The following PKHD1 variants were observed in gnomAD, a reference collection of about 807,000 sequenced individuals.
The protein encoded by PKHD1 is fibrocystin.
PKHD1 carries 291 observed loss-of-function variants against 412.0 expected under a neutral mutation model. The observed-to-expected ratio is 0.71, with a 90% CI of 0.64 to 0.78. The LOEUF (loss-of-function observed/expected upper bound fraction) is 0.78. Among genes scored for constraint, PKHD1 ranks in the 30% least tolerant of loss-of-function variants. The pLI is 0.00. For missense variants in PKHD1, 4,825 were observed against 4,950.7 expected (o/e 0.97, Z 0.76); for synonymous variants, 1,777 against 1,821.5 (o/e 0.98, Z 0.62).
intron 48 of PKHD1, among the ~76,000 whole-genome samples, chr6:51,860,960 C>T (rs1774090729): frequency 1.3e-5 from 2 of 152,050 alleles, no homozygotes; most frequent in Non-Finnish European, 2.9e-5. Flanking sequence ...TACAGGCACC[C>T]ACCACCACAC....
At chr6:52,003,268 T>C (rs901886751) in intron 35 of PKHD1, among the ~76,000 whole-genome samples, 1 of 152,202 alleles carries the variant, frequency 6.6e-6, no homozygotes, top group Non-Finnish European at 1.5e-5. Flanking sequence ...AGAGCTATTT[T>C]GTAGTCACTA....
At chr6:52,065,102 T>C (rs1444936261) in intron 12 of PKHD1, 52 bp from the exon 13 acceptor site, 2 of 671,468 alleles carry the variant, frequency 3.0e-6, no homozygotes, top group African/African-American at 1.9e-5. Flanking sequence ...GGTATACATA[T>C]ATATGTATAT....
In PKHD1 at chr6:52,024,772, C is replaced by G. The variant is rs950037252; in HGVS notation, c.5038G>C (p.Ala1680Pro). Residue 1680 changes from alanine to proline, a missense_variant, in exon 32 of 67, where the codon GCT (alanine) becomes CCT (proline). Physicochemically the swap from Ala to Pro is conservative, Grantham distance 27. Transcript: ENST00000371117. ...LTFAVAQISGAANIDIFIGMS... is the reference protein window; with the variant it reads ...LTFAVAQISGPANIDIFIGMS... ...CCTATAAAAATGTCAATGTTTGCAG[C>G]TCCTGAGATCTGGGCCACTGCAAAG... The G allele has an allele frequency of 6.2e-7, 1 of 1,614,194 alleles. No homozygotes were observed. The highest frequency in any genetic ancestry group is 8.5e-7 in the Non-Finnish European group (1 of 1,180,024).
intron 43 of PKHD1, among the ~76,000 whole-genome samples, chr6:51,887,987 G>A (rs1778480239): frequency 6.6e-6 from 1 of 152,138 alleles, no homozygotes; most frequent in African/African-American, 2.4e-5. Context: ...TCTCCTCTTT[G>A]GTGAATGCAA....
intron 60 of PKHD1, among the ~76,000 whole-genome samples, chr6:51,691,310 T>C (rs1013886372): frequency 7.2e-5 from 11 of 152,198 alleles, no homozygotes; most frequent in Non-Finnish European, 1.2e-4. Context: ...ACTGGGTATA[T>C]ACCCAAAGGA....
rs80014714 is a variant in PKHD1, at chr6:51,914,776, A to T, written c.6122-2200T>A. 1.2e-3 allele frequency among the ~76,000 whole-genome samples: 179 copies of T among 152,022 alleles called. 1 individual carries two copies. The highest frequency in any genetic ancestry group is 0.01 in the Middle Eastern group (3 of 294). ...CTGTTCCAAGAAGCCCAGTCTCTTT[A>T]CCTCTTCTCATTTAACCGGATCGTC... On this transcript the variant is annotated intron_variant, in intron 37 of 66. Coordinates refer to ENST00000371117, the MANE Select transcript of PKHD1 (RefSeq NM_138694.4).
At chr6:51,840,829 A>G (rs926678951) in intron 50 of PKHD1, among the ~76,000 whole-genome samples, 2 of 152,194 alleles carry the variant, frequency 1.3e-5, no homozygotes, top group Admixed American at 1.3e-4. Flanking sequence ...ACCCTTACAG[A>G]CCAAATCATA....
In PKHD1 at chr6:52,017,576, C is replaced by A. The variant is rs1283253165; in HGVS notation, c.5434G>T (p.Ala1812Ser). ...LKREEDSCEA[A>S]RHTYVQCDLT... The stretch of plus-strand genomic sequence containing the variant: ...TCACACTGCACATAGGTGTGTCTGG[C>A]AGCCTCACAGCTGTCCTCCTCACGC... The change falls in exon 34 of 67, where the codon GCC (alanine) becomes TCC (serine). Residue 1812 changes from alanine to serine, a missense_variant. Physicochemically the swap from Ala to Ser is moderately conservative, Grantham distance 99 (BLOSUM62 1). Coordinates refer to ENST00000371117, the MANE Select transcript of PKHD1 (RefSeq NM_138694.4). 2 of 1,614,070 alleles carry A rather than the reference C, an allele frequency of 1.2e-6. No individual in the cohort carries two copies. The highest frequency in any genetic ancestry group is 1.7e-5 in the Admixed American group (1 of 60,016).
At chr6:51,947,813 C>T (rs775356063) in intron 36 of PKHD1, among the ~76,000 whole-genome samples, 5 of 152,134 alleles carry the variant, frequency 3.3e-5, no homozygotes, top group African/African-American at 4.8e-5. Context: ...CTTGTGCCCT[C>T]AGCTCAAGAT....
intron 33 of PKHD1, among the ~76,000 whole-genome samples, chr6:52,018,545 G>A (rs1324849490): frequency 6.6e-6 from 1 of 152,116 alleles, no homozygotes; most frequent in East Asian, 1.9e-4. Flanking sequence ...TTTTGAGACA[G>A]AGTTTCGCTG....
At chr6:51,698,242 C>T (rs1050212954) in intron 60 of PKHD1, among the ~76,000 whole-genome samples, 3 of 152,130 alleles carry the variant, frequency 2.0e-5, no homozygotes, top group Non-Finnish European at 4.4e-5. Flanking sequence ...TATTCCCATT[C>T]GTACAGACTC....
At chr6:51,638,490 T>A (rs1450362260) in intron 64 of PKHD1, among the ~76,000 whole-genome samples, 1 of 152,086 alleles carries the variant, frequency 6.6e-6, no homozygotes, top group Non-Finnish European at 1.5e-5. Flanking sequence ...GGACCCAAAG[T>A]TAAAATTTCA....
chr6:52,063,731 G>C (rs1305329450), intron 13 of PKHD1, among the ~76,000 whole-genome samples: 3 of 152,012 alleles, frequency 2.0e-5, no homozygotes, highest in Non-Finnish European at 4.4e-5. Flanking sequence ...CACCACTTCC[G>C]GTCTAACAGC....
At chr6:51,706,872 A>T (rs1455204353) in intron 60 of PKHD1, among the ~76,000 whole-genome samples, 3 of 152,224 alleles carry the variant, frequency 2.0e-5, no homozygotes, top group African/African-American at 7.2e-5. Flanking sequence ...GAGATGTGGC[A>T]GTGTTGCTAT....
chr6:52,019,622 T>TTTTA (rs1427762086), intron 33 of PKHD1, among the ~76,000 whole-genome samples: 2 of 152,104 alleles, frequency 1.3e-5, no homozygotes, highest in East Asian at 3.8e-4. Context: ...AATCTATGGG[T>TTTTA]TTTACTCAAA....
chr6:52,071,775 T>A (rs796574147), intron 8 of PKHD1, among the ~76,000 whole-genome samples: 2 of 152,142 alleles, frequency 1.3e-5, no homozygotes, highest in Non-Finnish European at 2.9e-5. Flanking sequence ...AAATTCCTCA[T>A]CTATAATGTG....
chr6:51,846,226 C>T (rs1771125355), intron 50 of PKHD1, among the ~76,000 whole-genome samples: 1 of 152,168 alleles, frequency 6.6e-6, no homozygotes, highest in East Asian at 1.9e-4. Context: ...GAGCACCAGA[C>T]TCTCTCTCTG....
At position 51,972,624 on chromosome 6, in the gene PKHD1, G is replaced by C. The variant is rs371207283; in HGVS notation, c.5752-12598C>G. Among the ~76,000 whole-genome samples, 21 of 152,322 alleles carry C rather than the reference G, an allele frequency of 1.4e-4. 1 individual carries two copies. Among genetic ancestry groups the C allele is most frequent in the African/African-American group, 4.8e-4 (20 of 41,560 alleles). On this transcript the variant is annotated intron_variant, in intron 35 of 66. Coordinates refer to ENST00000371117, the MANE Select transcript of PKHD1 (RefSeq NM_138694.4). ...TCATCTTTGTGAACATTTACTGGGT[G>C]CTCACTCTGAGCCAGGAACTGTGGG...
chr6:51,756,557 T>C (rs1038340175), intron 55 of PKHD1, among the ~76,000 whole-genome samples: 5 of 152,310 alleles, frequency 3.3e-5, no homozygotes, highest in African/African-American at 1.2e-4. Context: ...AAGTATTTTG[T>C]TGAAGAGCAC....
Sources: gnomAD v4.1 joint callset for allele counts (sites outside exome capture counted in the v4.1 genomes callset) on GRCh38, gnomAD v4.1.1 for gene constraint, MANE v1.5 for transcripts, NCBI Gene and HGNC (gene_info 2026-07-23, HGNC 2026-07-21) for gene names.